The following OVCH1 variants were observed in gnomAD, a reference collection of about 807,000 sequenced individuals.
OVCH1 encodes the protein ovochymase 1.
Under a neutral mutation model 138.4 loss-of-function variants are expected in OVCH1, and 139 were observed. The observed-to-expected ratio is 1.00, with a 90% CI of 0.87 to 1.16. The LOEUF (loss-of-function observed/expected upper bound fraction) is 1.16. OVCH1 is among the 50% of genes most tolerant of loss of function. OVCH1 has a pLI of 0.00. For synonymous variants in OVCH1, 453 were observed against 467.8 expected, an observed-to-expected ratio of 0.97 and a Z score of 0.41; for missense variants, 1,367 against 1,357.9, an observed-to-expected ratio of 1.01 and a Z score of -0.11.
intron 26 of OVCH1, chr12:29,439,311 C>T (rs780935346): frequency 2.0e-6 from 3 of 1,486,322 alleles, no homozygotes; most frequent in African/African-American, 1.4e-5. Context: ...TTCTAATCAC[C>T]TCTTTGAGTT....
intron 9 of OVCH1, among the ~76,000 whole-genome samples, chr12:29,478,317 A>C (rs891375327): frequency 2.6e-5 from 4 of 152,170 alleles, no homozygotes; most frequent in South Asian, 2.1e-4. Context: ...GGTAGAGATT[A>C]TCTCTAGGTG....
intron 27 of OVCH1, among the ~76,000 whole-genome samples, chr12:29,429,569 G>A (rs777347458): frequency 1.3e-5 from 2 of 152,192 alleles, no homozygotes; most frequent in Admixed American, 6.5e-5. Context: ...TGCTGATATG[G>A]TCTATCATAA....
exon 25 of OVCH1, chr12:29,443,443 G>T: frequency 6.2e-7 from 1 of 1,611,202 alleles, no homozygotes; most frequent in Middle Eastern, 1.7e-4. Flanking sequence ...TCATCGGGAA[G>T]TTAATAATAT....
At chr12:29,481,355 GA>G (rs1942926949) in intron 8 of OVCH1, among the ~76,000 whole-genome samples, 3 of 151,978 alleles carry the variant, frequency 2.0e-5, no homozygotes, top group Non-Finnish European at 4.4e-5. Context: ...TTGATTTATT[GA>G]AATATAGTAC....
At chr12:29,404,541 A>G in the OVCH1 span, among the ~76,000 whole-genome samples, 1 of 152,186 alleles carries the variant, frequency 6.6e-6, no homozygotes, top group Non-Finnish European at 1.5e-5. Flanking sequence ...ACCTTCAAGG[A>G]GAGACTGAAA....
At chr12:29,410,638 C>T (rs1395558610), downstream of OVCH1, among the ~76,000 whole-genome samples, 1 of 146,100 alleles carries the variant, frequency 6.8e-6, no homozygotes, top group African/African-American at 2.5e-5. Context: ...GAATATTGGC[C>T]CCCACTCTCT....
At chr12:29,484,217 G>A (rs747325120) in intron 8 of OVCH1, among the ~76,000 whole-genome samples, 1 of 152,120 alleles carries the variant, frequency 6.6e-6, no homozygotes, top group Non-Finnish European at 1.5e-5. Context: ...TGAGACTGAA[G>A]CTTATAGGAC....
chr12:29,446,646 G>T (rs1941623551), intron 22 of OVCH1, among the ~76,000 whole-genome samples: 1 of 152,128 alleles, frequency 6.6e-6, no homozygotes, highest in East Asian at 1.9e-4. Context: ...TTTTCAATAG[G>T]TAATAATGAT....
At chr12:29,483,607 C>T (rs1190751563) in intron 8 of OVCH1, among the ~76,000 whole-genome samples, 1 of 152,168 alleles carries the variant, frequency 6.6e-6, no homozygotes, top group Non-Finnish European at 1.5e-5. Flanking sequence ...CTATTCTCAT[C>T]ATCCACTGCT....
chr12:29,418,257 A>G (rs529332357), intron 3 of OVCH1, among the ~76,000 whole-genome samples: 2 of 152,380 alleles, frequency 1.3e-5, no homozygotes, highest in East Asian at 3.9e-4. Flanking sequence ...CATTAGCTTT[A>G]GTTTCAGTAA....
chr12:29,489,639 C>A, exon 6 of OVCH1: 2 of 1,607,952 alleles, frequency 1.2e-6, no homozygotes, highest in East Asian at 2.2e-5. Flanking sequence ...GTCCATTCCC[C>A]AATCAGGGAA....
rs559118912 is a variant in OVCH1, at chr12:29,485,692, C to T, written c.995+554G>A. On this transcript the variant is annotated intron_variant, in intron 8 of 27. Coordinates refer to ENST00000318184, the Ensembl canonical transcript of OVCH1. ...TCGGGAGGCTGAGGCAGGAGAATGG[C>T]GTTAACCCGGAAGGCGGAGGTTGCA... Among the ~76,000 whole-genome samples the T allele has an allele frequency of 6.6e-5, 10 of 151,884 alleles. No individual in the cohort carries two copies. The East Asian group carries it at 9.8e-4, about 15-fold the overall frequency.
At chr12:29,428,984 G>A (rs1328657430) in intron 27 of OVCH1, among the ~76,000 whole-genome samples, 1 of 152,166 alleles carries the variant, frequency 6.6e-6, no homozygotes, top group Non-Finnish European at 1.5e-5. Flanking sequence ...GTAGCTCACT[G>A]GTAGACAGGT....
At chr12:29,490,922 G>C (rs934907579) in intron 5 of OVCH1, among the ~76,000 whole-genome samples, 175 bp downstream of exon 5, 8 of 152,174 alleles carry the variant, frequency 5.3e-5, no homozygotes, top group Non-Finnish European at 4.4e-5. Context: ...GATATGAATA[G>C]CCTTTTTAAA....
chr12:29,472,824 C>T (rs1942559016), intron 15 of OVCH1, among the ~76,000 whole-genome samples: 1 of 152,126 alleles, frequency 6.6e-6, no homozygotes, highest in Non-Finnish European at 1.5e-5. Context: ...TTCTTCCTAA[C>T]CTAAAGCTCA....
At chr12:29,430,477 T>G (rs1003134919) in intron 27 of OVCH1, among the ~76,000 whole-genome samples, 11 of 152,154 alleles carry the variant, frequency 7.2e-5, no homozygotes, top group Admixed American at 2.0e-4. Context: ...CTTGGCCAGG[T>G]CTTGCTACAG....
In OVCH1 at chr12:29,483,310, A is replaced by C. The variant is rs1942992802; in HGVS notation, c.995+2936T>G. 2.6e-5 allele frequency among the ~76,000 whole-genome samples: 4 copies of C among 152,156 alleles called. No individual in the cohort carries two copies. The South Asian group carries it at 8.3e-4, about 32-fold the overall frequency. On this transcript the variant is annotated intron_variant, in intron 8 of 27. Coordinates refer to ENST00000318184, the Ensembl canonical transcript of OVCH1. Reference sequence around the variant, plus strand: ...AAACTCTTGTTCTAAATATCCTTCTAACAGCTTAAGCAAAGGTGGCAAAAG... The same window carrying C: ...AAACTCTTGTTCTAAATATCCTTCTCACAGCTTAAGCAAAGGTGGCAAAAG...
chr12:29,436,879 A>G (rs1256843907), intron 26 of OVCH1, among the ~76,000 whole-genome samples: 2 of 152,196 alleles, frequency 1.3e-5, no homozygotes, highest in African/African-American at 2.4e-5. Flanking sequence ...TTTATTGTGA[A>G]GAGCGAAAGA....
the OVCH1 span, among the ~76,000 whole-genome samples, chr12:29,406,023 A>G: frequency 6.6e-6 from 1 of 152,192 alleles, no homozygotes; most frequent in Admixed American, 6.5e-5. Flanking sequence ...CCCATTTACC[A>G]TTCATACCAA....
Sources: allele counts gnomAD v4.1 joint callset (sites outside exome capture counted in the v4.1 genomes callset), GRCh38; gene constraint gnomAD v4.1.1; transcripts MANE v1.5; gene names NCBI Gene and HGNC (gene_info 2026-07-23, HGNC 2026-07-21).